Variants in CACNB2 observed in about 807,000 individuals in gnomAD.
The protein encoded by CACNB2 is voltage-dependent L-type calcium channel subunit beta-2.
In CACNB2, 42 loss-of-function variants were observed where a neutral mutation model predicts 73.3. The ratio of observed to expected loss-of-function variants is 0.57; its 90% CI spans 0.45 to 0.74. The LOEUF is 0.74. Ranked by LOEUF, CACNB2 falls within the 30% of genes least tolerant of loss-of-function variation. The pLI is 0.00. For missense variants in CACNB2, 940 were observed against 853.0 expected, an observed-to-expected ratio of 1.10 and a Z score of -1.27; for synonymous variants, 348 against 310.3, an observed-to-expected ratio of 1.12 and a Z score of -1.28.
chr10:18,409,716 G>C (rs1256315245), intron 3 of CACNB2, among the ~76,000 whole-genome samples: 1 of 152,144 alleles, frequency 6.6e-6, no homozygotes, highest in Non-Finnish European at 1.5e-5. Context: ...CTGAAGAACT[G>C]GTAGGAGTGG....
chr10:18,414,875 T>C (rs1442027869), intron 3 of CACNB2, among the ~76,000 whole-genome samples: 1 of 152,150 alleles, frequency 6.6e-6, no homozygotes, highest in Non-Finnish European at 1.5e-5. Flanking sequence ...CTCCACCAGA[T>C]GTTAACAGGG....
At chr10:18,308,766 G>T (rs754140934) in intron 2 of CACNB2, among the ~76,000 whole-genome samples, 69 of 152,288 alleles carry the variant, frequency 4.5e-4, no homozygotes, top group Non-Finnish European at 7.4e-4. Context: ...AAGGCATACG[G>T]TATGCCTGAC....
intron 2 of CACNB2, among the ~76,000 whole-genome samples, chr10:18,309,836 A>T (rs945487037): frequency 6.6e-6 from 1 of 152,214 alleles, no homozygotes; most frequent in African/African-American, 2.4e-5. Flanking sequence ...TCACCTGAGA[A>T]TGAGGAAGGT....
intron 2 of CACNB2, among the ~76,000 whole-genome samples, chr10:18,172,939 T>TTTTTTTTTTTTA (rs1554765028): frequency 6.7e-6 from 1 of 150,164 alleles, no homozygotes; most frequent in African/African-American, 2.5e-5. Context: ...TTTTTTTTTT[T>TTTTTTTTTTTTA]AAATGGAGTT....
intron 3 of CACNB2, among the ~76,000 whole-genome samples, chr10:18,448,331 A>C (rs1193083009): frequency 6.6e-6 from 1 of 152,060 alleles, no homozygotes; most frequent in Non-Finnish European, 1.5e-5. Context: ...TTAGCAGGGC[A>C]TGATGGTGGG....
chr10:18,404,339 A>G (rs576081425), intron 3 of CACNB2, among the ~76,000 whole-genome samples: 5 of 152,232 alleles, frequency 3.3e-5, no homozygotes, highest in East Asian at 1.9e-4. Context: ...ATAATGCAAA[A>G]TAGGGATTGT....
At chr10:18,191,005 C>T (rs554480324) in intron 2 of CACNB2, among the ~76,000 whole-genome samples, 6 of 152,290 alleles carry the variant, frequency 3.9e-5, no homozygotes, top group African/African-American at 7.2e-5. Flanking sequence ...GCATGGGAAA[C>T]GCGCAAGCTG....
chr10:18,438,907 G>A (rs2046281990), intron 3 of CACNB2, among the ~76,000 whole-genome samples: 1 of 152,196 alleles, frequency 6.6e-6, no homozygotes, highest in Non-Finnish European at 1.5e-5. Flanking sequence ...CTCTTCCAAA[G>A]CAGAACACAT....
intron 2 of CACNB2, among the ~76,000 whole-genome samples, chr10:18,371,562 A>G (rs544471165): frequency 2.0e-5 from 3 of 152,288 alleles, no homozygotes; most frequent in African/African-American, 2.4e-5. Context: ...ATAGTATTCT[A>G]TGGTGTATAT....
At chr10:18,526,077 TAATC>T (rs2052443053) in intron 9 of CACNB2, among the ~76,000 whole-genome samples, 1 of 152,222 alleles carries the variant, frequency 6.6e-6, no homozygotes. Flanking sequence ...ATAAAATAAT[TAATC>T]AGAGGTTCTG....
chr10:18,194,460 C>G (rs752808703), intron 2 of CACNB2, among the ~76,000 whole-genome samples: 1 of 152,128 alleles, frequency 6.6e-6, no homozygotes, highest in Admixed American at 6.5e-5. Flanking sequence ...CTAGAAGATT[C>G]TGGACATCTT....
chr10:18,270,957 T>G (rs1411647443), intron 2 of CACNB2, among the ~76,000 whole-genome samples: 1 of 152,224 alleles, frequency 6.6e-6, no homozygotes, highest in African/African-American at 2.4e-5. Flanking sequence ...TACCTCTTTA[T>G]TCCTACTTGT....
At chr10:18,345,754 T>A (rs2041423457) in intron 2 of CACNB2, among the ~76,000 whole-genome samples, 1 of 152,162 alleles carries the variant, frequency 6.6e-6, no homozygotes, top group African/African-American at 2.4e-5. Flanking sequence ...CTTGAAGAAA[T>A]AGAGTATTCG....
chr10:18,482,317 C>A (rs2048823372), intron 3 of CACNB2, among the ~76,000 whole-genome samples: 1 of 152,090 alleles, frequency 6.6e-6, no homozygotes, highest in Non-Finnish European at 1.5e-5. Context: ...CTGAAAAAAA[C>A]AAGTCTGTTT....
intron 2 of CACNB2, among the ~76,000 whole-genome samples, chr10:18,351,011 T>G (rs2041682201): frequency 6.6e-6 from 1 of 152,204 alleles, no homozygotes; most frequent in East Asian, 1.9e-4. Flanking sequence ...TAGAATTTTT[T>G]TAAATGAGCT....
At chr10:18,438,603 C>G (rs1383015214) in intron 3 of CACNB2, among the ~76,000 whole-genome samples, 1 of 152,222 alleles carries the variant, frequency 6.6e-6, no homozygotes, top group Non-Finnish European at 1.5e-5. Context: ...TCTGTTCTCC[C>G]ACACCACATC....
At chr10:18,335,016 C>T (rs1004074795) in intron 2 of CACNB2, among the ~76,000 whole-genome samples, 4 of 151,640 alleles carry the variant, frequency 2.6e-5, no homozygotes, top group African/African-American at 7.3e-5. Flanking sequence ...GGAAAAAAAC[C>T]GTGAAAACAT....
chr10:18,481,225 T>A (rs1308743069), intron 3 of CACNB2, among the ~76,000 whole-genome samples: 14 of 15,046 alleles, frequency 9.3e-4, no homozygotes, highest in Admixed American at 9.6e-4. Context: ...TATATATATA[T>A]ATATATTTTT....
At chr10:18,236,289 A>C (rs2036441704) in intron 2 of CACNB2, among the ~76,000 whole-genome samples, 1 of 152,222 alleles carries the variant, frequency 6.6e-6, no homozygotes, top group South Asian at 2.1e-4. Flanking sequence ...GGTTAAAACC[A>C]AACACAGAGG....
Sources: allele counts gnomAD v4.1 joint callset (sites outside exome capture counted in the v4.1 genomes callset), GRCh38; gene constraint gnomAD v4.1.1; transcripts MANE v1.5; gene names NCBI Gene and HGNC (gene_info 2026-07-23, HGNC 2026-07-21).